The following SATL1 variants were observed in gnomAD, a reference collection of about 807,000 sequenced individuals.
The protein encoded by SATL1 is spermidine/spermine N1-acetyl transferase like 1.
In SATL1, 47 loss-of-function variants were observed where a neutral mutation model predicts 51.8. The observed-to-expected ratio is 0.91, with a 90% CI of 0.72 to 1.16. The LOEUF (loss-of-function observed/expected upper bound fraction) is 1.16. Ranked by LOEUF, SATL1 falls within the 50% of genes most tolerant of loss-of-function variation. The probability of loss-of-function intolerance (pLI) is 0.00; values close to 1 mark genes in which losing one functional copy is unlikely to be tolerated. For synonymous variants in SATL1, 176 were observed against 182.4 expected (o/e 0.97, Z 0.28); for missense variants, 520 against 526.4 (o/e 0.99, Z 0.12).
intron 2 of SATL1, among the ~76,000 whole-genome samples, chrX:85,120,569 T>C (rs189201866): frequency 9.8e-4 from 109 of 111,787 alleles, no homozygotes; most frequent in Non-Finnish European, 1.2e-3. Context: ...TGAGTTTATG[T>C]TAATGGTGGT....
intron 2 of SATL1, among the ~76,000 whole-genome samples, chrX:85,146,250 C>G (rs1166523258): frequency 8.9e-6 from 1 of 111,867 alleles, no homozygotes; most frequent in East Asian, 2.8e-4. Flanking sequence ...TCTTGTTAAT[C>G]TCTTACTATG....
intron 2 of SATL1, chrX:85,219,228 C>A (rs192401829): frequency 2.8e-4 from 31 of 112,092 alleles, no homozygotes; most frequent in African/African-American, 9.4e-4. Flanking sequence ...TACTATATGG[C>A]TATCTGATCA....
chrX:85,128,078 G>A (rs1925674137), intron 2 of SATL1, among the ~76,000 whole-genome samples: 1 of 111,679 alleles, frequency 9.0e-6, no homozygotes, highest in African/African-American at 3.3e-5. Flanking sequence ...CCAAGTCTTT[G>A]CTATTGTGAA....
chrX:85,175,524 C>T (rs1237150833), intron 2 of SATL1, among the ~76,000 whole-genome samples: 2 of 111,281 alleles, frequency 1.8e-5, no homozygotes, highest in East Asian at 5.7e-4. Flanking sequence ...TGTAATAAAA[C>T]ATTTGCAAAT....
chrX:85,222,876 T>C (rs1928202280), intron 2 of SATL1, among the ~76,000 whole-genome samples: 2 of 112,086 alleles, frequency 1.8e-5, no homozygotes, highest in South Asian at 7.4e-4. Flanking sequence ...AGAATCTTTT[T>C]ACTGAATTCT....
At position 85,132,006 on chromosome X, in the gene SATL1, A is replaced by G. The variant is rs182592668; in HGVS notation, c.-312-22726T>C. ...GTCTCTTCTGGCTTGTAAGGTTTCT[A>G]CCGAGAGATCTGCTGTTAGTCTGAT... On this transcript the variant is annotated intron_variant, in intron 2 of 7. Transcript: ENST00000644105. 5.4e-3 allele frequency among the ~76,000 whole-genome samples: 607 copies of G among 111,377 alleles called. 3 individuals are homozygous for G. The highest frequency in any genetic ancestry group is 0.019 in the African/African-American group (568 of 30,609).
At chrX:85,092,912 G>A (rs763147097) in intron 7 of SATL1, 1 of 321,113 alleles carries the variant, frequency 3.1e-6, no homozygotes, top group Admixed American at 5.4e-5. Context: ...GAATAAAAAT[G>A]CTTTCTAATC....
chrX:85,184,545 T>C (rs760369838), intron 2 of SATL1, among the ~76,000 whole-genome samples: 1 of 111,933 alleles, frequency 8.9e-6, no homozygotes, highest in African/African-American at 3.2e-5. Flanking sequence ...TCTGACTACA[T>C]ATTTTCAAAT....
chrX:85,222,604 T>G (rs1928198134), intron 2 of SATL1, among the ~76,000 whole-genome samples: 1 of 111,638 alleles, frequency 9.0e-6, no homozygotes, highest in African/African-American at 3.3e-5. Context: ...GACTGCCTGA[T>G]CTAACCACCT....
chrX:85,185,702 C>G (rs961498432), intron 2 of SATL1, among the ~76,000 whole-genome samples: 3 of 111,121 alleles, frequency 2.7e-5, no homozygotes, highest in African/African-American at 9.8e-5. Context: ...GCTGTCAAGC[C>G]TGAGTCTTTC....
intron 2 of SATL1, among the ~76,000 whole-genome samples, chrX:85,191,747 G>T (rs1173096665): frequency 9.0e-6 from 1 of 111,507 alleles, no homozygotes; most frequent in Non-Finnish European, 1.9e-5. Flanking sequence ...CATCATAAAG[G>T]TCTTCATCTT....
chrX:85,218,302 TA>T (rs199888721), intron 2 of SATL1, among the ~76,000 whole-genome samples: 51 of 110,542 alleles, frequency 4.6e-4, no homozygotes, highest in East Asian at 8.5e-4. Flanking sequence ...TCCATTCAGT[TA>T]AAAAAAAATC....
chrX:85,145,531 T>G (rs925190325), intron 2 of SATL1, among the ~76,000 whole-genome samples: 1 of 111,525 alleles, frequency 9.0e-6, no homozygotes, highest in Admixed American at 9.6e-5. Flanking sequence ...AAGAAATCTA[T>G]GAGTATGAAT....
At chrX:85,166,941 ATGTGTGTGTGTGTGTGTGTG>A (rs60077558) in intron 2 of SATL1, among the ~76,000 whole-genome samples, 2 of 77,576 alleles carry the variant, frequency 2.6e-5, no homozygotes, top group Admixed American at 1.4e-4. Flanking sequence ...ATATATGTGT[ATGTGTGTGTGTGTGTGTGTG>A]TGTGTGTGTG....
At chrX:85,115,140 C>T (rs1197064512) in intron 2 of SATL1, among the ~76,000 whole-genome samples, 2 of 111,879 alleles carry the variant, frequency 1.8e-5, no homozygotes, top group African/African-American at 6.5e-5. Context: ...AACAGCAGCC[C>T]TTGGATTCCA....
At chrX:85,232,936 C>G (rs1440600482) in intron 1 of SATL1, among the ~76,000 whole-genome samples, 1 of 111,774 alleles carries the variant, frequency 8.9e-6, no homozygotes, top group Non-Finnish European at 1.9e-5. Context: ...GCCGTAGGGC[C>G]TTGAGTAAAT....
Position 85,148,742 on chromosome X carries a change from G to A in SATL1, c.-312-39462C>T, listed in dbSNP as rs193164593. Among the ~76,000 whole-genome samples, 22 of 110,932 alleles carry A rather than the reference G, an allele frequency of 2.0e-4. No homozygotes were observed. The South Asian group carries it at 2.7e-3, about 14-fold the overall frequency. ...GCTTCATAAGTGAAGGAGAAATAAAGTCCTTTACAGACAAGCAAATGCTGA... is the reference window on the plus strand; with the variant it reads ...GCTTCATAAGTGAAGGAGAAATAAAATCCTTTACAGACAAGCAAATGCTGA... On this transcript the variant is annotated intron_variant, in intron 2 of 7. Coordinates refer to ENST00000644105, the MANE Select transcript of SATL1 (RefSeq NM_001367857.2).
intron 2 of SATL1, among the ~76,000 whole-genome samples, chrX:85,188,684 A>C (rs764306841): frequency 1.3e-4 from 14 of 111,823 alleles, no homozygotes; most frequent in Non-Finnish European, 2.1e-4. Context: ...TATACTTTTG[A>C]AAAAAGAGAT....
intron 2 of SATL1, among the ~76,000 whole-genome samples, chrX:85,163,746 G>T (rs1926772622): frequency 9.0e-6 from 1 of 111,727 alleles, no homozygotes; most frequent in African/African-American, 3.3e-5. Flanking sequence ...TTGTTGGGTA[G>T]AATGTTCTGT....
Sources: gnomAD v4.1 joint callset for allele counts (sites outside exome capture counted in the v4.1 genomes callset) on GRCh38, gnomAD v4.1.1 for gene constraint, MANE v1.5 for transcripts, NCBI Gene and HGNC (gene_info 2026-07-23, HGNC 2026-07-21) for gene names.